Variants in CCDC15 observed in about 807,000 individuals in gnomAD.
CCDC15 encodes coiled-coil domain containing 15.
CCDC15 carries 105 observed loss-of-function variants against 114.5 expected under a neutral mutation model. The observed-to-expected ratio is 0.92, with a 90% CI of 0.78 to 1.08. CCDC15 has a LOEUF of 1.08. CCDC15 is among the 50% of genes least tolerant of loss of function. The probability of loss-of-function intolerance (pLI) is 0.00; values close to 1 mark genes in which losing one functional copy is unlikely to be tolerated. For missense variants in CCDC15, 1,105 were observed against 1,093.6 expected, an observed-to-expected ratio of 1.01 and a Z score of -0.15; for synonymous variants, 334 against 377.8, an observed-to-expected ratio of 0.88 and a Z score of 1.34.
intron 11 of CCDC15, among the ~76,000 whole-genome samples, chr11:124,998,609 G>T (rs1052112550): frequency 5.3e-5 from 8 of 151,896 alleles, no homozygotes; most frequent in Non-Finnish European, 7.4e-5. Flanking sequence ...AATCAGATAG[G>T]TCCTTTTCCC....
chr11:124,987,616 CT>C lies in CCDC15; in HGVS notation c.1391del (p.Leu464ArgfsTer184), dbSNP rs866272223. 1 of 1,613,860 alleles carries C rather than the reference CT, an allele frequency of 6.2e-7. No homozygotes were observed. Among genetic ancestry groups the C allele is most frequent in the African/African-American group, 1.3e-5 (1 of 74,914 alleles). On this transcript the variant is annotated frameshift_variant, in exon 8 of 16. Transcript: ENST00000344762. LOFTEE classifies it high-confidence loss of function. ...TGTTCTCCACAAAGACCAAGATATT[CT>C]GCCAAAATATCAGGACCAGAATTTT... ...QHVLHKDQDI[L>X]PKYQDQNFLP...
chr11:124,986,203 T>TC (rs1948153554), intron 6 of CCDC15, among the ~76,000 whole-genome samples: 1 of 152,230 alleles, frequency 6.6e-6, no homozygotes, highest in African/African-American at 2.4e-5. Context: ...TGAGTTCTGT[T>TC]CCATTGTTCT....
At chr11:124,962,509 T>C (rs1203007285) in intron 4 of CCDC15, among the ~76,000 whole-genome samples, 1 of 152,246 alleles carries the variant, frequency 6.6e-6, no homozygotes, top group African/African-American at 2.4e-5. Context: ...TATCTGTCCA[T>C]GGTGGTTCAT....
At chr11:124,963,277 A>G (rs1295587556) in intron 4 of CCDC15, among the ~76,000 whole-genome samples, 1 of 152,130 alleles carries the variant, frequency 6.6e-6, no homozygotes, top group Non-Finnish European at 1.5e-5. Context: ...AAGTGTTCCT[A>G]TTTCTCCACA....
Position 125,040,620 on chromosome 11 carries a change from A to C in CCDC15, c.2765A>C (p.Asn922Thr). The change falls in exon 16 of 16, where the codon AAT (asparagine) becomes ACT (threonine). Residue 922 changes from asparagine (N) to threonine (T), a missense_variant. By Grantham distance (65) the Asn-to-Thr change is moderately conservative (BLOSUM62 0). Transcript: ENST00000344762. ...AYTRALHSFI[N>T]SCDVPGGNST... ...ACTCGGGCACTACATTCATTCATCA[A>C]TTCCTGTGATGTCCCTGGGGGTAAT... The C allele has an allele frequency of 6.2e-7, 1 of 1,610,896 alleles. No individual in the cohort carries two copies. The highest frequency in any genetic ancestry group is 1.1e-5 in the South Asian group (1 of 90,400).
At chr11:124,992,734 A>G in intron 10 of CCDC15, 47 bp downstream of exon 10, 1 of 1,078,306 alleles carries the variant, frequency 9.3e-7, no homozygotes. Flanking sequence ...TAAAAGGGGA[A>G]CAAGCCTAAA....
chr11:125,021,445 T>G (rs945146597), intron 13 of CCDC15, among the ~76,000 whole-genome samples: 1 of 151,900 alleles, frequency 6.6e-6, no homozygotes, highest in Non-Finnish European at 1.5e-5. Context: ...TAACCGTTTA[T>G]GTACTGTGAT....
chr11:125,019,099 T>A (rs1591610529), intron 13 of CCDC15, among the ~76,000 whole-genome samples: 1 of 151,942 alleles, frequency 6.6e-6, no homozygotes, highest in Non-Finnish European at 1.5e-5. Flanking sequence ...AAATTTGACT[T>A]CATGTTGAAA....
chr11:125,008,616 A>G (rs1186479402), intron 13 of CCDC15, among the ~76,000 whole-genome samples: 1 of 152,208 alleles, frequency 6.6e-6, no homozygotes, highest in Non-Finnish European at 1.5e-5. Context: ...GTTTCTTACC[A>G]TCAAGTATGA....
At chr11:125,036,646 C>A (rs1406688712) in intron 13 of CCDC15, among the ~76,000 whole-genome samples, 1 of 152,112 alleles carries the variant, frequency 6.6e-6, no homozygotes, top group East Asian at 1.9e-4. Flanking sequence ...GGCATACTTT[C>A]ATTCTCTTCT....
In CCDC15 at chr11:125,038,589, A is replaced by T. The variant is rs781710694; in HGVS notation, c.2570A>T (p.Glu857Val). The T allele has an allele frequency of 1.3e-6, 2 of 1,567,660 alleles. No individual in the cohort carries two copies. The highest frequency in any genetic ancestry group is 1.7e-6 in the Non-Finnish European group (2 of 1,160,252). Reference sequence around the variant, plus strand: ...GGAACCAGAGAAAAACAACAGAGAGAAAAAGAATACCTGAGGTAATTTGAA... The same window carrying T: ...GGAACCAGAGAAAAACAACAGAGAGTAAAAGAATACCTGAGGTAATTTGAA... Reference protein sequence around the residue: ...IKGTREKQQREKEYLRYVEAL... With the variant: ...IKGTREKQQRVKEYLRYVEAL... The change falls in exon 14 of 16, where the codon GAA (glutamate) becomes GTA (valine). Residue 857 changes from glutamate (E) to valine (V), a missense_variant. Glu to Val is a moderately radical substitution (Grantham distance 121). Transcript: ENST00000344762.
chr11:125,012,862 A>G (rs540266596), intron 13 of CCDC15, among the ~76,000 whole-genome samples: 1 of 152,286 alleles, frequency 6.6e-6, no homozygotes, highest in African/African-American at 2.4e-5. Flanking sequence ...AGAATATATG[A>G]CAGGATAGTA....
chr11:125,011,400 G>A (rs933726095), intron 13 of CCDC15, among the ~76,000 whole-genome samples: 2 of 151,828 alleles, frequency 1.3e-5, no homozygotes, highest in African/African-American at 4.8e-5. Flanking sequence ...ACCAAGCCCG[G>A]CTAATTTTTG....
chr11:124,982,878 T>C (rs1037100447), intron 6 of CCDC15, among the ~76,000 whole-genome samples: 1 of 152,230 alleles, frequency 6.6e-6, no homozygotes, highest in African/African-American at 2.4e-5. Context: ...GATATGAAAA[T>C]ATGAAATACA....
chr11:125,021,079 A>G (rs187255411), intron 13 of CCDC15, among the ~76,000 whole-genome samples: 1 of 151,954 alleles, frequency 6.6e-6, no homozygotes, highest in African/African-American at 2.4e-5. Context: ...GAGGGCATAC[A>G]TAAAATCGCC....
At chr11:125,000,012 C>G (rs1433082353) in intron 11 of CCDC15, among the ~76,000 whole-genome samples, 1 of 151,836 alleles carries the variant, frequency 6.6e-6, no homozygotes, top group African/African-American at 2.4e-5. Flanking sequence ...CAGGCGCCCA[C>G]CACCACGCCT....
chr11:125,022,323 G>A (rs4935901), intron 13 of CCDC15, among the ~76,000 whole-genome samples: 30,840 of 151,660 alleles, frequency 0.2, 3,739 homozygotes, highest in African/African-American at 0.34. Flanking sequence ...CTGCAATAAT[G>A]TTTTTCACTT....
chr11:124,989,268 TA>T (rs916394742), intron 8 of CCDC15, among the ~76,000 whole-genome samples: 1 of 152,186 alleles, frequency 6.6e-6, no homozygotes, highest in Non-Finnish European at 1.5e-5. Flanking sequence ...ATGAGCAGTT[TA>T]AAAGGCATCT....
chr11:124,962,846 G>A (rs1001091654), intron 4 of CCDC15, among the ~76,000 whole-genome samples: 1 of 152,134 alleles, frequency 6.6e-6, no homozygotes, highest in African/African-American at 2.4e-5. Context: ...TCCCAACCCT[G>A]TGTCCAAGTG....
Sources: allele counts gnomAD v4.1 joint callset (sites outside exome capture counted in the v4.1 genomes callset), GRCh38; gene constraint gnomAD v4.1.1; transcripts MANE v1.5; gene names NCBI Gene and HGNC (gene_info 2026-07-23, HGNC 2026-07-21).